The following RAPGEF6 variants were observed in gnomAD, a reference collection of about 807,000 sequenced individuals.
RAPGEF6 encodes the protein Rap guanine nucleotide exchange factor 6.
RAPGEF6 carries 56 observed loss-of-function variants against 171.4 expected under a neutral mutation model. The ratio of observed to expected loss-of-function variants is 0.33; its 90% confidence interval spans 0.26 to 0.41. RAPGEF6 has a LOEUF of 0.41. Ranked by LOEUF, RAPGEF6 falls within the 10% of genes least tolerant of loss-of-function variation. The pLI, the probability that RAPGEF6 is intolerant of heterozygous loss-of-function variation, is 1.00. For synonymous variants in RAPGEF6, 692 were observed against 650.1 expected (o/e 1.06, Z -0.98); for missense variants, 1,674 against 1,921.4 (o/e 0.87, Z 2.41).
intron 22 of RAPGEF6, among the ~76,000 whole-genome samples, chr5:131,444,081 T>C (rs1752542951): frequency 6.6e-6 from 1 of 152,196 alleles, no homozygotes; most frequent in African/African-American, 2.4e-5. Flanking sequence ...TCAATGCAGG[T>C]GCAGCCTCAG....
At chr5:131,521,860 C>G (rs1003889137) in intron 6 of RAPGEF6, among the ~76,000 whole-genome samples, 3 of 118,180 alleles carry the variant, frequency 2.5e-5, no homozygotes, top group Admixed American at 2.5e-4. Context: ...CACACACACA[C>G]ACACACACAC....
At chr5:131,610,540 T>C (rs1002068798) in intron 1 of RAPGEF6, among the ~76,000 whole-genome samples, 5 of 152,164 alleles carry the variant, frequency 3.3e-5, no homozygotes, top group African/African-American at 2.4e-5. Context: ...CGGATATATA[T>C]CCCAGCATTA....
At chr5:131,604,085 G>C (rs1580661291) in intron 2 of RAPGEF6, among the ~76,000 whole-genome samples, 1 of 152,014 alleles carries the variant, frequency 6.6e-6, no homozygotes, top group African/African-American at 2.4e-5. Flanking sequence ...AAAGTTTATG[G>C]GTTTTCTCCA....
At chr5:131,471,739 C>T (rs1252174605) in intron 17 of RAPGEF6, among the ~76,000 whole-genome samples, 1 of 141,640 alleles carries the variant, frequency 7.1e-6, no homozygotes, top group African/African-American at 2.5e-5. Flanking sequence ...CATGAATAGA[C>T]GCAAAAAAAA....
At chr5:131,529,353 G>A (rs1336488035) in intron 6 of RAPGEF6, among the ~76,000 whole-genome samples, 2 of 152,014 alleles carry the variant, frequency 1.3e-5, no homozygotes, top group East Asian at 3.9e-4. Context: ...GCAGATGCCT[G>A]TAGTCTCAGC....
At chr5:131,621,844 A>G (rs1765611900) in intron 1 of RAPGEF6, among the ~76,000 whole-genome samples, 1 of 152,040 alleles carries the variant, frequency 6.6e-6, no homozygotes. Flanking sequence ...CCTTTTCTAA[A>G]ACAACTTGAA....
intron 1 of RAPGEF6, among the ~76,000 whole-genome samples, chr5:131,628,598 A>G (rs1766094174): frequency 6.6e-6 from 1 of 152,214 alleles, no homozygotes; most frequent in Non-Finnish European, 1.5e-5. Flanking sequence ...AATGTAGACA[A>G]AACAGCCTTA....
rs576990493 is a variant in RAPGEF6, at chr5:131,449,128, T to C, written c.3201-2425A>G. 1.2e-4 allele frequency among the ~76,000 whole-genome samples: 18 copies of C among 152,340 alleles called. No homozygotes were observed. The South Asian group carries it at 3.7e-3, about 32-fold the overall frequency. ...TCTTAAAATAACAAAATTCTTCTTATGCAATCCCTTCATCCACAAAAGTCA... is the reference window on the plus strand; with the variant it reads ...TCTTAAAATAACAAAATTCTTCTTACGCAATCCCTTCATCCACAAAAGTCA... On this transcript the variant is annotated intron_variant, in intron 21 of 27. Coordinates refer to ENST00000509018, the MANE Select transcript of RAPGEF6 (RefSeq NM_016340.6).
chr5:131,495,562 C>T lies in RAPGEF6; in HGVS notation c.1518G>A (p.Leu506=). Residue 506 remains leucine, a synonymous_variant, in exon 13 of 28, where the codon CTG becomes CTA. Coordinates refer to ENST00000509018, the MANE Select transcript of RAPGEF6 (RefSeq NM_016340.6). The stretch of plus-strand genomic sequence containing the variant: ...TTATTTTGAGCCTTACTGTATCTTC[C>T]AGATTTTTTTCAAATTCCTCTAGAA... ...TRFLEEFEKN[L]EDTKMNGHLR... 1 of 1,613,216 alleles carries T rather than the reference C, an allele frequency of 6.2e-7. No homozygotes were observed. Among genetic ancestry groups the T allele is most frequent in the East Asian group, 2.2e-5 (1 of 44,836 alleles).
intron 24 of RAPGEF6, among the ~76,000 whole-genome samples, chr5:131,437,081 G>A (rs1042108680): frequency 6.6e-6 from 1 of 152,084 alleles, no homozygotes; most frequent in Non-Finnish European, 1.5e-5. Context: ...TTCAATCATA[G>A]GTTACTGGCA....
Position 131,456,023 on chromosome 5 carries a change from T to C in RAPGEF6, c.2865-11A>G, listed in dbSNP as rs535825930. 5 of 1,612,158 alleles carry C rather than the reference T, an allele frequency of 3.1e-6. No homozygotes were observed. The African/African-American group carries it at 4.0e-5, about 13-fold the overall frequency. ...GCCAGGTTCAAGCCACTGCCAAAGA[T>C]GAGAATAGAAACATTAAAAAGAAAC... On this transcript the variant is annotated splice_polypyrimidine_tract_variant and intron_variant, in intron 19 of 27. Coordinates refer to ENST00000509018, the MANE Select transcript of RAPGEF6 (RefSeq NM_016340.6).
intron 1 of RAPGEF6, among the ~76,000 whole-genome samples, chr5:131,621,100 G>T (rs1343824572): frequency 6.6e-6 from 1 of 152,136 alleles, no homozygotes; most frequent in African/African-American, 2.4e-5. Flanking sequence ...CTTGGCATAT[G>T]CTGTTACCCT....
At chr5:131,584,159 T>C (rs1019293980) in intron 4 of RAPGEF6, among the ~76,000 whole-genome samples, 2 of 152,208 alleles carry the variant, frequency 1.3e-5, no homozygotes, top group African/African-American at 4.8e-5. Flanking sequence ...CTTATCAAAC[T>C]GTATACTATA....
chr5:131,542,261 A>T (rs1760201749), intron 6 of RAPGEF6, among the ~76,000 whole-genome samples: 1 of 152,200 alleles, frequency 6.6e-6, no homozygotes, highest in South Asian at 2.1e-4. Flanking sequence ...AAGCAATAGG[A>T]ACAAAGGTTT....
intron 4 of RAPGEF6, among the ~76,000 whole-genome samples, chr5:131,590,132 G>T: frequency 6.6e-6 from 1 of 152,158 alleles, no homozygotes; most frequent in Non-Finnish European, 1.5e-5. Context: ...CAGGTACAGT[G>T]GCTCATGTCT....
intron 1 of RAPGEF6, among the ~76,000 whole-genome samples, chr5:131,620,196 T>A (rs1018560120): frequency 6.6e-6 from 1 of 152,228 alleles, no homozygotes; most frequent in African/African-American, 2.4e-5. Context: ...ATAAAGTTTA[T>A]GTTACCAGAA....
Position 131,521,552 on chromosome 5 carries a change from A to T in RAPGEF6, c.496-31T>A, listed in dbSNP as rs1229399351. ...AAAAAAAATAATTTAAGTTATTCTA[A>T]ATGTCAAGCTTTACCTTTTTAAGCG... On this transcript the variant is annotated intron_variant, in intron 6 of 27. Coordinates refer to ENST00000509018, the MANE Select transcript of RAPGEF6 (RefSeq NM_016340.6). The T allele has an allele frequency of 1.9e-6, 3 of 1,583,544 alleles. No homozygotes were observed. The African/African-American group carries it at 4.1e-5, about 22-fold the overall frequency.
At chr5:131,466,296 A>C (rs1216212750) in intron 17 of RAPGEF6, among the ~76,000 whole-genome samples, 7 of 152,172 alleles carry the variant, frequency 4.6e-5, no homozygotes, top group Non-Finnish European at 1.0e-4. Flanking sequence ...CAATGTATTA[A>C]GAAATCTGAG....
chr5:131,472,818 C>A, intron 16 of RAPGEF6, 74 bp from the exon 17 acceptor site: 1 of 1,307,766 alleles, frequency 7.6e-7, no homozygotes, highest in Non-Finnish European at 1.1e-6. Flanking sequence ...GTTCCCTGTG[C>A]ACTAAGGCAT....
Sources: gnomAD v4.1 joint callset for allele counts (sites outside exome capture counted in the v4.1 genomes callset) on GRCh38, gnomAD v4.1.1 for gene constraint, MANE v1.5 for transcripts, NCBI Gene and HGNC (gene_info 2026-07-23, HGNC 2026-07-21) for gene names.